TRIM60: variants seen among roughly 807,000 people sequenced by gnomAD.
TRIM60 encodes tripartite motif containing 60, also known as tripartite motif-containing protein 60.
For synonymous variants in TRIM60, 189 were observed against 195.2 expected, an observed-to-expected ratio of 0.97 and a Z score of 0.27; for missense variants, 524 against 540.8, an observed-to-expected ratio of 0.97 and a Z score of 0.31.
Position 165,040,751 on chromosome 4 carries a change from G to A in TRIM60, c.679G>A (p.Val227Ile). The change falls in exon 3 of 3, where the codon GTT becomes ATT. Residue 227 changes from valine (V) to isoleucine (I), a missense_variant. Val to Ile is a conservative substitution (Grantham distance 29). Transcript: ENST00000512596. ...NENLVELSDYVSTLKHLLREV... is the reference protein window; with the variant it reads ...NENLVELSDYISTLKHLLREV... ...AAACCTTGTAGAACTTTCAGATTAT[G>A]TTTCCACATTAAAACATCTACTGAG... The A allele has an allele frequency of 6.2e-7, 1 of 1,614,060 alleles. No individual in the cohort carries two copies. The highest frequency in any genetic ancestry group is 8.5e-7 in the Non-Finnish European group (1 of 1,180,016).
At chr4:165,038,181 G>A (rs1024145576) in intron 1 of TRIM60, among the ~76,000 whole-genome samples, 25 of 152,156 alleles carry the variant, frequency 1.6e-4, no homozygotes, top group Non-Finnish European at 4.4e-5. Context: ...ATATATTTAA[G>A]CATGTATTTC....
intron 1 of TRIM60, among the ~76,000 whole-genome samples, chr4:165,037,355 C>T (rs539462904): frequency 1.3e-5 from 2 of 151,660 alleles, no homozygotes; most frequent in Non-Finnish European, 2.9e-5. Context: ...TGCTAAGTCT[C>T]GCTTTGTTGC....
chr4:165,032,637 C>T (rs1733530636), intron 1 of TRIM60, among the ~76,000 whole-genome samples: 1 of 152,078 alleles, frequency 6.6e-6, no homozygotes, highest in Non-Finnish European at 1.5e-5. Flanking sequence ...GGGAAGTGGC[C>T]ACGTGATCTC....
In TRIM60 at chr4:165,041,379, T is replaced by C; in HGVS notation, c.1307T>C (p.Ile436Thr). The change falls in exon 3 of 3, where the codon ATT (isoleucine) becomes ACT (threonine). Residue 436 changes from isoleucine to threonine, a missense_variant. Coordinates refer to ENST00000512596, the MANE Select transcript of TRIM60 (RefSeq NM_152620.3). ...TTTTATAATATGAATGATAGGTCTA[T>C]TCTCTATACTTTTAACGATTGTTTC... The part of the protein sequence containing the change: ...LSFYNMNDRS[I>T]LYTFNDCFTE... 3 of 1,613,920 alleles carry C rather than the reference T, an allele frequency of 1.9e-6. No homozygotes were observed. Among genetic ancestry groups the C allele is most frequent in the Non-Finnish European group, 2.5e-6 (3 of 1,179,858 alleles).
Position 165,041,330 on chromosome 4 carries a change from G to A in TRIM60, c.1258G>A (p.Asp420Asn), listed in dbSNP as rs1437203565. Residue 420 changes from aspartate (D) to asparagine (N), a missense_variant, in exon 3 of 3, where the codon GAC becomes AAC. Transcript: ENST00000512596. ...VKPSKIGIFL[D>N]YELGDLSFYN... Reference sequence around the variant, plus strand: ...ACCCAGTAAAATTGGTATTTTTCTGGACTATGAATTGGGTGATCTTTCCTT... The same window carrying A: ...ACCCAGTAAAATTGGTATTTTTCTGAACTATGAATTGGGTGATCTTTCCTT... 3.1e-6 allele frequency: 5 copies of A among 1,614,124 alleles called. No individual in the cohort carries two copies. Among genetic ancestry groups the A allele is most frequent in the Non-Finnish European group, 4.2e-6 (5 of 1,180,016 alleles).
intron 2 of TRIM60, chr4:165,039,573 T>G (rs1009717748): frequency 7.1e-6 from 1 of 141,172 alleles, no homozygotes; most frequent in Non-Finnish European, 1.5e-5. Context: ...CCGAGGCGGG[T>G]GGATCATGAG....
In TRIM60 at chr4:165,041,379, T is replaced by G; in HGVS notation, c.1307T>G (p.Ile436Ser). 1 of 1,613,920 alleles carries G rather than the reference T, an allele frequency of 6.2e-7. No homozygotes were observed. The highest frequency in any genetic ancestry group is 8.5e-7 in the Non-Finnish European group (1 of 1,179,858). ...TTTTATAATATGAATGATAGGTCTATTCTCTATACTTTTAACGATTGTTTC... is the reference window on the plus strand; with the variant it reads ...TTTTATAATATGAATGATAGGTCTAGTCTCTATACTTTTAACGATTGTTTC... Reference protein sequence around the residue: ...LSFYNMNDRSILYTFNDCFTE... With the variant: ...LSFYNMNDRSSLYTFNDCFTE... Residue 436 changes from isoleucine to serine, a missense_variant, in exon 3 of 3, where the codon ATT becomes AGT. Transcript: ENST00000512596.
chr4:165,038,201 A>G (rs1369061836), intron 1 of TRIM60, among the ~76,000 whole-genome samples: 4 of 152,202 alleles, frequency 2.6e-5, no homozygotes, highest in South Asian at 2.1e-4. Context: ...CCTAAGAATG[A>G]GGACATTTTC....
intron 1 of TRIM60, among the ~76,000 whole-genome samples, chr4:165,037,346 G>C (rs1019187472): frequency 2.7e-5 from 4 of 145,718 alleles, no homozygotes. Context: ...TTTTGTTTTT[G>C]CTAAGTCTCG....
intron 1 of TRIM60, among the ~76,000 whole-genome samples, chr4:165,035,062 T>A (rs922478646): frequency 1.3e-5 from 2 of 152,128 alleles, no homozygotes; most frequent in African/African-American, 2.4e-5. Context: ...ATAGTATTAT[T>A]TGAGGTTATA....
In TRIM60 at chr4:165,040,343, C is replaced by T. The variant is rs758560998; in HGVS notation, c.271C>T (p.Gln91Ter). The T allele has an allele frequency of 3.1e-6, 5 of 1,614,190 alleles. No homozygotes were observed. The East Asian group carries it at 1.1e-4, about 36-fold the overall frequency. ...LQIRRSKRKR[Q>*]KENAMCEKHN... ...GATTAGGAGGAGCAAGAGAAAGAGGCAGAAAGAGAATGCCATGTGTGAAAA... is the reference window on the plus strand; with the variant it reads ...GATTAGGAGGAGCAAGAGAAAGAGGTAGAAAGAGAATGCCATGTGTGAAAA... The change falls in exon 3 of 3, where the codon CAG (glutamine) becomes TAG (stop). Residue 91 changes from glutamine to a stop codon, truncating the protein, a stop_gained. Coordinates refer to ENST00000512596, the MANE Select transcript of TRIM60 (RefSeq NM_152620.3). LOFTEE classifies it low-confidence loss of function (END_TRUNC).
intron 1 of TRIM60, among the ~76,000 whole-genome samples, chr4:165,037,403 A>C (rs952237772): frequency 6.6e-6 from 1 of 151,720 alleles, no homozygotes; most frequent in African/African-American, 2.4e-5. Flanking sequence ...GGCTCACTGC[A>C]ACCTCTGCCT....
intron 1 of TRIM60, among the ~76,000 whole-genome samples, chr4:165,038,221 T>A (rs1733667279): frequency 6.6e-6 from 1 of 152,218 alleles, no homozygotes; most frequent in South Asian, 2.1e-4. Flanking sequence ...CTTTTGCAGC[T>A]ATGGTGCAGT....
At chr4:165,038,631 A>G (rs1295329779) in intron 1 of TRIM60, among the ~76,000 whole-genome samples, 1 of 120,502 alleles carries the variant, frequency 8.3e-6, no homozygotes, top group African/African-American at 3.3e-5. Context: ...ACACAGAAAG[A>G]CCCTGTCTCA....
At chr4:165,037,157 C>A (rs1473764895) in intron 1 of TRIM60, among the ~76,000 whole-genome samples, 1 of 151,802 alleles carries the variant, frequency 6.6e-6, no homozygotes, top group African/African-American at 2.4e-5. Context: ...GCCGAGACTG[C>A]ACCATTGCAC....
At chr4:165,039,755 G>A (rs1279492866) in intron 2 of TRIM60, 2 of 154,752 alleles carry the variant, frequency 1.3e-5, no homozygotes, top group South Asian at 1.7e-4. Context: ...CCGAGATTGC[G>A]CCACTGCAGT....
chr4:165,041,079 G>T lies in TRIM60; in HGVS notation c.1007G>T (p.Cys336Phe), dbSNP rs977797382. ...TATGACCCAAGGAGATTTTATGTCT[G>T]CCCTGCTGTCCTAGGCTCTCAGAGA... ...ICYDPRRFYV[C>F]PAVLGSQRFS... The change falls in exon 3 of 3, where the codon TGC (cysteine) becomes TTC (phenylalanine). Residue 336 changes from cysteine to phenylalanine, a missense_variant. Physicochemically the swap from Cys to Phe is radical, Grantham distance 205 (BLOSUM62 -2). Transcript: ENST00000512596. 7.4e-6 allele frequency: 12 copies of T among 1,614,040 alleles called. No homozygotes were observed. Among genetic ancestry groups the T allele is most frequent in the East Asian group, 4.5e-5 (2 of 44,892 alleles).
chr4:165,032,562 G>A (rs1579176580), intron 1 of TRIM60, among the ~76,000 whole-genome samples: 1 of 152,068 alleles, frequency 6.6e-6, no homozygotes, highest in African/African-American at 2.4e-5. Flanking sequence ...TTCTGTTTTC[G>A]CCGCGGAGGC....
chr4:165,036,279 A>G (rs1733620632), intron 1 of TRIM60, among the ~76,000 whole-genome samples: 1 of 152,154 alleles, frequency 6.6e-6, no homozygotes, highest in Admixed American at 6.5e-5. Flanking sequence ...ATAGAAACAA[A>G]CTCAGAGAAA....
Sources: allele counts gnomAD v4.1 joint callset (sites outside exome capture counted in the v4.1 genomes callset), GRCh38; gene constraint gnomAD v4.1.1; transcripts MANE v1.5; gene names NCBI Gene and HGNC (gene_info 2026-07-23, HGNC 2026-07-21).